Variants in ADGRL2 observed in about 807,000 individuals in gnomAD.
ADGRL2 encodes the protein calcium-independent alpha-latrotoxin receptor 2.
In ADGRL2, 44 loss-of-function variants were observed where a neutral mutation model predicts 157.4. The ratio of observed to expected loss-of-function variants is 0.28; its 90% CI spans 0.22 to 0.36. ADGRL2 has a LOEUF of 0.36. ADGRL2 is among the 10% of genes least tolerant of loss of function. ADGRL2 has a pLI of 1.00. For missense variants in ADGRL2, 1,510 were observed against 1,768.9 expected (o/e 0.85, Z 2.63); for synonymous variants, 585 against 624.7 (o/e 0.94, Z 0.95).
At chr1:81,985,215 G>A in intron 20 of ADGRL2, 44 bp from the exon 21 acceptor site, 1 of 1,165,950 alleles carries the variant, frequency 8.6e-7, no homozygotes, top group Non-Finnish European at 1.3e-6. Flanking sequence ...GTAAGTTTGG[G>A]GAAACTAACA....
chr1:81,393,589 T>C (rs1285814633), intron 1 of ADGRL2, among the ~76,000 whole-genome samples: 1 of 152,106 alleles, frequency 6.6e-6, no homozygotes, highest in Non-Finnish European at 1.5e-5. Context: ...CTTGTTTTAA[T>C]TTAGCAGCAG....
chr1:81,634,512 GTTTTT>G (rs58027766), intron 3 of ADGRL2, among the ~76,000 whole-genome samples: 1 of 140,218 alleles, frequency 7.1e-6, no homozygotes, highest in East Asian at 2.1e-4. Context: ...TAGCTATCTT[GTTTTT>G]TTTTTTTTGG....
intron 1 of ADGRL2, among the ~76,000 whole-genome samples, chr1:81,393,657 T>C (rs961480724): frequency 1.3e-5 from 2 of 152,144 alleles, no homozygotes; most frequent in Non-Finnish European, 2.9e-5. Flanking sequence ...TGCTACCATG[T>C]AAGACCCCTA....
intron 2 of ADGRL2, among the ~76,000 whole-genome samples, chr1:81,541,235 A>G (rs2079875946): frequency 6.6e-6 from 1 of 152,240 alleles, no homozygotes; most frequent in Non-Finnish European, 1.5e-5. Context: ...TCTGTGTTGT[A>G]TCCTGCTATT....
intron 2 of ADGRL2, 132 bp downstream of exon 2, chr1:81,837,189 G>A (rs1014144994): frequency 4.0e-6 from 2 of 498,382 alleles, no homozygotes; most frequent in African/African-American, 2.0e-5. Flanking sequence ...CCTGAATATT[G>A]AATTGTTTAT....
chr1:81,475,860 A>G (rs12081253), intron 2 of ADGRL2, among the ~76,000 whole-genome samples: 4,526 of 152,268 alleles, frequency 0.03, 231 homozygotes, highest in African/African-American at 0.1. Flanking sequence ...GGCTATTACA[A>G]TCTGTGTAGG....
At chr1:81,743,636 G>A (rs1247446576) in intron 1 of ADGRL2, among the ~76,000 whole-genome samples, 1 of 152,030 alleles carries the variant, frequency 6.6e-6, no homozygotes, top group Non-Finnish European at 1.5e-5. Context: ...GCAAATTAGA[G>A]CTAGCAGTCA....
chr1:81,378,547 A>T (rs1440381821), intron 1 of ADGRL2, among the ~76,000 whole-genome samples: 6 of 148,438 alleles, frequency 4.0e-5, no homozygotes, highest in Admixed American at 3.4e-4. Flanking sequence ...CCTGGACACC[A>T]GAATGAGACC....
chr1:81,707,013 A>G (rs1025704603), intron 1 of ADGRL2, among the ~76,000 whole-genome samples: 33 of 152,138 alleles, frequency 2.2e-4, no homozygotes, highest in African/African-American at 7.5e-4. Context: ...GAGGAACAGA[A>G]GATAAGAAAT....
At chr1:81,337,734 C>G (rs1201700056) in intron 1 of ADGRL2, among the ~76,000 whole-genome samples, 3 of 152,162 alleles carry the variant, frequency 2.0e-5, no homozygotes, top group African/African-American at 7.2e-5. Context: ...CAAAAAATTG[C>G]TAAAGAGAGT....
intron 2 of ADGRL2, among the ~76,000 whole-genome samples, chr1:81,541,228 G>A (rs1252913642): frequency 2.0e-5 from 3 of 152,178 alleles, no homozygotes; most frequent in Non-Finnish European, 4.4e-5. Flanking sequence ...TATTATGTCT[G>A]TGTTGTATCC....
chr1:81,639,872 C>T (rs2082185429), intron 3 of ADGRL2, among the ~76,000 whole-genome samples: 1 of 152,080 alleles, frequency 6.6e-6, no homozygotes, highest in South Asian at 2.1e-4. Context: ...TGCTAGATTA[C>T]CTACTAACTA....
chr1:81,443,860 C>A (rs1002085264), intron 1 of ADGRL2, among the ~76,000 whole-genome samples: 24 of 152,006 alleles, frequency 1.6e-4, no homozygotes, highest in Non-Finnish European at 5.9e-5. Flanking sequence ...TAGTAATAAT[C>A]AATAAATAAT....
intron 1 of ADGRL2, among the ~76,000 whole-genome samples, chr1:81,823,921 T>C (rs1031457552): frequency 2.6e-5 from 4 of 152,114 alleles, no homozygotes; most frequent in Admixed American, 6.5e-5. Flanking sequence ...AGTGTAGATA[T>C]ATTTGCTAAA....
chr1:81,776,639 CT>C (rs1417463115), intron 2 of ADGRL2, among the ~76,000 whole-genome samples: 4 of 152,166 alleles, frequency 2.6e-5, no homozygotes, highest in African/African-American at 4.8e-5. Context: ...CTATGTGTTG[CT>C]TTGATTCTTT....
chr1:81,908,019 T>C (rs1465378746), intron 3 of ADGRL2, among the ~76,000 whole-genome samples: 1 of 152,186 alleles, frequency 6.6e-6, no homozygotes, highest in East Asian at 1.9e-4. Flanking sequence ...AGTCGTAGTG[T>C]GACGCATTAT....
intron 1 of ADGRL2, among the ~76,000 whole-genome samples, chr1:81,367,958 C>T (rs957630886): frequency 1.1e-4 from 16 of 152,126 alleles, no homozygotes; most frequent in Admixed American, 2.6e-4. Flanking sequence ...TCCATGACTT[C>T]GCTATTGTGA....
At chr1:81,315,171 T>G (rs957212798) in intron 1 of ADGRL2, among the ~76,000 whole-genome samples, 8 of 152,176 alleles carry the variant, frequency 5.3e-5, no homozygotes, top group Admixed American at 4.6e-4. Context: ...TAAAGGTCAC[T>G]GTCATTCATA....
chr1:81,340,872 G>A (rs995941611), intron 1 of ADGRL2, among the ~76,000 whole-genome samples: 6 of 150,282 alleles, frequency 4.0e-5, no homozygotes, highest in Non-Finnish European at 7.4e-5. Context: ...TTCTCTCATG[G>A]AAAGTTGTGA....
Sources: allele counts gnomAD v4.1 joint callset (sites outside exome capture counted in the v4.1 genomes callset), GRCh38; gene constraint gnomAD v4.1.1; transcripts MANE v1.5; gene names NCBI Gene and HGNC (gene_info 2026-07-23, HGNC 2026-07-21).